CDV3: variants seen among roughly 807,000 people sequenced by gnomAD.
CDV3 encodes the protein CDV3 homolog.
A neutral mutation model predicts 24.5 loss-of-function variants in CDV3; 14 were observed. That is an observed-to-expected ratio of 0.57 (90% CI 0.38 to 0.89). The LOEUF (loss-of-function observed/expected upper bound fraction) is 0.89, where lower values mean the gene tolerates loss of function less well. Ranked by LOEUF, CDV3 falls within the 40% of genes least tolerant of loss-of-function variation. The pLI is 0.00. For synonymous variants in CDV3, 114 were observed against 114.1 expected, an observed-to-expected ratio of 1.00 and a Z score of 0.00; for missense variants, 304 against 310.2, an observed-to-expected ratio of 0.98 and a Z score of 0.15.
chr3:133,577,149 A>G (rs1414267769), intron 2 of CDV3, among the ~76,000 whole-genome samples: 1 of 151,344 alleles, frequency 6.6e-6, no homozygotes, highest in Non-Finnish European at 1.5e-5. Flanking sequence ...CCCGGCCTAG[A>G]CTAGCTTTTA....
rs182089406 is a variant in CDV3, at chr3:133,587,245, A to G, written c.626+523A>G. ...ACTTTAGGGACATGAATTTTTTAAA[A>G]TAAATAAAATGGGAAGAAATGTAAA... On this transcript the variant is annotated intron_variant, in intron 4 of 4. Transcript: ENST00000264993. 3.7e-4 allele frequency: 475 copies of G among 1,298,202 alleles called. 22 individuals carry two copies. In the Admixed American group the frequency reaches 0.017, roughly 46 times the overall value. The allele number at this position is 1,298,202 out of a possible 1,614,324, so 80.4% of individuals were successfully genotyped here.
chr3:133,574,316 C>A, intron 1 of CDV3, 32 bp downstream of exon 1: 2 of 944,876 alleles, frequency 2.1e-6, no homozygotes, highest in Non-Finnish European at 2.5e-6. Context: ...ACTCGGGGCC[C>A]GGGCCGCGCG....
Position 133,574,062 on chromosome 3 carries a change from G to T in CDV3, c.18G>T (p.Glu6Asp). ...CCGAGGCCATGGCTGAGACGGAGGA[G>T]CGGAGCCTGGACAACTTCTTTGCCA... MAETE[E>D]RSLDNFFAKR... Residue 6 changes from glutamate (E) to aspartate (D), a missense_variant, in exon 1 of 5, where the codon GAG becomes GAT. Glu to Asp is a conservative substitution (Grantham distance 45, BLOSUM62 2). This residue lies in a region of CDV3 where 219 missense variants were observed against 203.6 expected (regional missense o/e 1.08). Coordinates refer to ENST00000264993, the MANE Select transcript of CDV3 (RefSeq NM_017548.5). 8.2e-7 allele frequency: 1 copy of T among 1,222,806 alleles called. No individual in the cohort carries two copies. Among genetic ancestry groups the T allele is most frequent in the Non-Finnish European group, 1.0e-6 (1 of 956,640 alleles). 75.7% of individuals were successfully genotyped at this position (1,222,806 alleles called of 1,614,324 possible).
Position 133,588,294 on chromosome 3 carries a change from C to T in CDV3, c.*248C>T. ...ACAGTGTTCTTTCATATTTACTCTGCAAATACAAAAAACCAAAACCTGCAG... is the reference window on the plus strand; with the variant it reads ...ACAGTGTTCTTTCATATTTACTCTGTAAATACAAAAAACCAAAACCTGCAG... On this transcript the variant is annotated 3_prime_UTR_variant, in exon 5 of 5. Transcript: ENST00000264993. The T allele has an allele frequency of 6.5e-7, 1 of 1,537,266 alleles. No homozygotes were observed. The highest frequency in any genetic ancestry group is 8.7e-7 in the Non-Finnish European group (1 of 1,146,024).
At chr3:133,574,453 C>T (rs2074723159) in intron 1 of CDV3, 169 bp downstream of exon 1, 1 of 986,390 alleles carries the variant, frequency 1.0e-6, no homozygotes, top group Non-Finnish European at 1.2e-6. Flanking sequence ...TCGCCAGGGC[C>T]GGGACCCCTT....
intron 1 of CDV3, chr3:133,574,696 C>T: frequency 1.9e-6 from 2 of 1,063,662 alleles, no homozygotes; most frequent in Non-Finnish European, 2.3e-6. Flanking sequence ...TTTGTGATGA[C>T]TTAGTCTCTA....
intron 2 of CDV3, among the ~76,000 whole-genome samples, chr3:133,580,727 C>T (rs1932933764): frequency 6.6e-6 from 1 of 152,010 alleles, no homozygotes; most frequent in Non-Finnish European, 1.5e-5. Flanking sequence ...GAGACAGAGT[C>T]TCACTGTGTT....
Position 133,590,078 on chromosome 3 carries a change from A to G in CDV3, c.*2032A>G, listed in dbSNP as rs1674118858. 1 of 151,830 alleles carries G rather than the reference A, an allele frequency of 6.6e-6. No homozygotes were observed. The allele number at this position is 151,830 out of a possible 1,614,324, so 9.4% of individuals were successfully genotyped here. ...AGACCTGCAGCAGATTTAAATTACA[A>G]CTCTTGTTATAACTTTTTAAAAGAT... On this transcript the variant is annotated 3_prime_UTR_variant, in exon 5 of 5. Coordinates refer to ENST00000264993, the MANE Select transcript of CDV3 (RefSeq NM_017548.5).
chr3:133,577,547 A>G (rs1313729418), intron 2 of CDV3, among the ~76,000 whole-genome samples: 1 of 151,676 alleles, frequency 6.6e-6, no homozygotes, highest in Non-Finnish European at 1.5e-5. Context: ...TTTAGTAGAG[A>G]CGGGGTTTCT....
At chr3:133,575,163 T>C (rs377036869) in intron 2 of CDV3, 48 bp downstream of exon 2, 3 of 1,002,426 alleles carry the variant, frequency 3.0e-6, no homozygotes, top group African/African-American at 3.2e-5. Flanking sequence ...GGATAGATAT[T>C]GGATACAAGT....
intron 3 of CDV3, among the ~76,000 whole-genome samples, chr3:133,585,819 A>G (rs1933543143): frequency 6.6e-6 from 1 of 152,168 alleles, no homozygotes; most frequent in African/African-American, 2.4e-5. Context: ...TTAAAAAATA[A>G]CCACACTGGC....
chr3:133,584,049 A>G lies in CDV3; in HGVS notation c.365A>G (p.Asp122Gly). The change falls in exon 3 of 5, where the codon GAT becomes GGT. Residue 122 changes from aspartate to glycine, a missense_variant. Transcript: ENST00000264993. ...DDNEKRQDPG[D>G]NWEEGGGGGG... ...AATGAAAAGAGACAAGATCCAGGTG[A>G]TAACTGGGAAGAAGGTGGAGGTGGT... The G allele has an allele frequency of 1.2e-6, 2 of 1,611,294 alleles. No homozygotes were observed. The highest frequency in any genetic ancestry group is 8.5e-7 in the Non-Finnish European group (1 of 1,177,522).
intron 2 of CDV3, among the ~76,000 whole-genome samples, chr3:133,576,997 G>A (rs1056889836): frequency 1.3e-4 from 19 of 151,528 alleles, no homozygotes; most frequent in South Asian, 4.2e-4. Flanking sequence ...ACAGGCGCCC[G>A]CCACCACACC....
chr3:133,575,242 A>G (rs977826225), intron 2 of CDV3, 127 bp downstream of exon 2: 22 of 590,644 alleles, frequency 3.7e-5, no homozygotes, highest in Non-Finnish European at 6.8e-5. Flanking sequence ...ATTAGGACTC[A>G]AATGGGTTCT....
chr3:133,578,808 C>T (rs1375937855), intron 2 of CDV3, among the ~76,000 whole-genome samples: 2 of 152,112 alleles, frequency 1.3e-5, no homozygotes, highest in Non-Finnish European at 2.9e-5. Context: ...AGCTGCTTCC[C>T]CCTAGTGTTG....
In CDV3 at chr3:133,589,698, T is replaced by G. The variant is rs1051396024; in HGVS notation, c.*1652T>G. 4 of 152,654 alleles carry G rather than the reference T, an allele frequency of 2.6e-5. No homozygotes were observed. Among genetic ancestry groups the G allele is most frequent in the African/African-American group, 9.6e-5 (4 of 41,460 alleles). The allele number at this position is 152,654 out of a possible 1,614,324, so 9.5% of individuals were successfully genotyped here. On this transcript the variant is annotated 3_prime_UTR_variant, in exon 5 of 5. Transcript: ENST00000264993. ...AGTTTAGTCTTGACGAAAGTGTCCGTGCAGGAATTGGACTCCGAGGAGGGT... is the reference window on the plus strand; with the variant it reads ...AGTTTAGTCTTGACGAAAGTGTCCGGGCAGGAATTGGACTCCGAGGAGGGT...
intron 1 of CDV3, chr3:133,574,724 G>T (rs1431418498): frequency 2.7e-6 from 3 of 1,093,114 alleles, no homozygotes; most frequent in Non-Finnish European, 3.4e-6. Flanking sequence ...GAAAGAAAAA[G>T]AAAACTCTCG....
intron 2 of CDV3, among the ~76,000 whole-genome samples, chr3:133,582,674 C>T (rs1933165532): frequency 6.6e-6 from 1 of 152,038 alleles, no homozygotes; most frequent in African/African-American, 2.4e-5. Context: ...GAGTAGAAGG[C>T]AAGGGACAGA....
chr3:133,587,097 TG>T, intron 4 of CDV3: 2 of 851,334 alleles, frequency 2.3e-6, no homozygotes, highest in Non-Finnish European at 3.4e-6. Flanking sequence ...TCCCAGTTAA[TG>T]TGACTATAGA....
Sources: allele counts gnomAD v4.1 joint callset (sites outside exome capture counted in the v4.1 genomes callset), GRCh38; gene constraint gnomAD v4.1.1; regional missense constraint gnomAD v4.1.1; transcripts MANE v1.5; gene names NCBI Gene and HGNC (gene_info 2026-07-23, HGNC 2026-07-21).